The following LSAMP variants were observed in gnomAD, a reference collection of about 807,000 sequenced individuals.
LSAMP encodes the protein limbic system-associated membrane protein.
A neutral mutation model predicts 38.6 loss-of-function variants in LSAMP; 7 were observed. The ratio of observed to expected loss-of-function variants is 0.18; its 90% CI spans 0.10 to 0.34. The LOEUF (loss-of-function observed/expected upper bound fraction) is 0.34. Among genes scored for constraint, LSAMP ranks in the 10% least tolerant of loss-of-function variants. The pLI, the probability that LSAMP is intolerant of heterozygous loss-of-function variation, is 1.00. For synonymous variants in LSAMP, 154 were observed against 166.8 expected, an observed-to-expected ratio of 0.92 and a Z score of 0.59; for missense variants, 313 against 420.0, an observed-to-expected ratio of 0.75 and a Z score of 2.23.
chr3:116,368,705 T>G (rs2048389948), intron 1 of LSAMP, among the ~76,000 whole-genome samples: 1 of 152,208 alleles, frequency 6.6e-6, no homozygotes, highest in South Asian at 2.1e-4. Context: ...CTGGTCTGTT[T>G]GATGGGATTC....
intron 1 of LSAMP, among the ~76,000 whole-genome samples, chr3:116,153,652 T>C (rs1050186280): frequency 1.3e-5 from 2 of 152,130 alleles, no homozygotes; most frequent in African/African-American, 2.4e-5. Flanking sequence ...GAAATTGTTC[T>C]AGGGGCACGA....
At position 115,806,057 on chromosome 3, in the gene LSAMP, G is replaced by A. The variant is rs1205122271; in HGVS notation, c.*4260C>T. ...CTTAAAAAATGATATTGGTAACCAAGACTAAATGCAGGCTAAAAGTGTATG... is the reference window on the plus strand; with the variant it reads ...CTTAAAAAATGATATTGGTAACCAAAACTAAATGCAGGCTAAAAGTGTATG... On this transcript the variant is annotated 3_prime_UTR_variant, in exon 7 of 7. Coordinates refer to ENST00000490035, the MANE Select transcript of LSAMP (RefSeq NM_002338.5). 6.6e-6 allele frequency: 1 copy of A among 152,078 alleles called. No individual in the cohort carries two copies. 9.4% of individuals were successfully genotyped at this position (152,078 alleles called of 1,614,324 possible).
chr3:115,834,014 T>C (rs1391682650), intron 6 of LSAMP, among the ~76,000 whole-genome samples: 1 of 152,116 alleles, frequency 6.6e-6, no homozygotes, highest in Non-Finnish European at 1.5e-5. Context: ...ATTTATGTTT[T>C]CTAAGACAGG....
At chr3:116,121,074 T>C (rs1708864693) in intron 1 of LSAMP, among the ~76,000 whole-genome samples, 1 of 152,186 alleles carries the variant, frequency 6.6e-6, no homozygotes, top group African/African-American at 2.4e-5. Flanking sequence ...GGTCCCAACA[T>C]CTTCAGTTTT....
intron 2 of LSAMP, among the ~76,000 whole-genome samples, chr3:116,028,742 G>A (rs1343158824): frequency 1.3e-5 from 2 of 152,068 alleles, no homozygotes; most frequent in Non-Finnish European, 2.9e-5. Context: ...AATAGCCTAT[G>A]CATTTCTGTG....
chr3:116,411,143 T>C (rs962481050), intron 1 of LSAMP, among the ~76,000 whole-genome samples: 2 of 152,178 alleles, frequency 1.3e-5, no homozygotes, highest in East Asian at 3.9e-4. Context: ...CTGGAGAGGA[T>C]GTGGAGAAAT....
chr3:116,100,090 TG>T (rs1311231151), intron 1 of LSAMP, among the ~76,000 whole-genome samples: 3 of 96,990 alleles, frequency 3.1e-5, no homozygotes, highest in African/African-American at 4.0e-5. Flanking sequence ...TTTGGGGGGG[TG>T]GGGGGTGGGG....
rs925223584 is a variant in LSAMP at position 115,973,427 on chromosome 3, C to T, written c.514+46088G>A. On this transcript the variant is annotated intron_variant, in intron 3 of 6. Transcript: ENST00000490035. ...GATATCTTGGGGAGGGGATACAAGT[C>T]TAGGCATAAAATTAATTTATGTTGG... 8.5e-5 allele frequency among the ~76,000 whole-genome samples: 13 copies of T among 152,174 alleles called. 1 individual carries two copies. The highest frequency in any genetic ancestry group is 3.4e-3 in the Middle Eastern group (1 of 294).
intron 3 of LSAMP, among the ~76,000 whole-genome samples, chr3:115,910,438 C>G (rs1336208649): frequency 2.6e-5 from 4 of 152,156 alleles, no homozygotes; most frequent in South Asian, 2.1e-4. Context: ...GCTAACTACT[C>G]TACCCCCATT....
chr3:116,339,590 A>C (rs1291254163), intron 1 of LSAMP, among the ~76,000 whole-genome samples: 1 of 151,942 alleles, frequency 6.6e-6, no homozygotes, highest in African/African-American at 2.4e-5. Context: ...AAACTTAGGG[A>C]ATGATTGACT....
rs114523192 is a variant in LSAMP, at chr3:116,099,194, G to A, written c.156-12638C>T. ...ATGAAGGTCACACTCTGAATTCTACGAAGAGCCCTATGATTCAAAAGTACC... is the reference window on the plus strand; with the variant it reads ...ATGAAGGTCACACTCTGAATTCTACAAAGAGCCCTATGATTCAAAAGTACC... On this transcript the variant is annotated intron_variant, in intron 1 of 6. Coordinates refer to ENST00000490035, the MANE Select transcript of LSAMP (RefSeq NM_002338.5). 2.5e-3 allele frequency among the ~76,000 whole-genome samples: 386 copies of A among 152,314 alleles called. 1 individual carries two copies. The highest frequency in any genetic ancestry group is 8.9e-3 in the African/African-American group (371 of 41,576).
intron 3 of LSAMP, among the ~76,000 whole-genome samples, chr3:115,955,243 A>G (rs1261260088): frequency 1.3e-5 from 2 of 152,028 alleles, no homozygotes; most frequent in Admixed American, 6.6e-5. Context: ...CATGTTTTTG[A>G]TATTTTATTT....
intron 1 of LSAMP, among the ~76,000 whole-genome samples, chr3:116,301,724 C>T (rs561634810): frequency 3.3e-5 from 5 of 152,192 alleles, no homozygotes; most frequent in South Asian, 4.1e-4. Flanking sequence ...ATTAAGGCTT[C>T]AGAAGGTGAA....
At chr3:116,222,014 C>T (rs887768435) in intron 1 of LSAMP, among the ~76,000 whole-genome samples, 3 of 151,558 alleles carry the variant, frequency 2.0e-5, no homozygotes, top group East Asian at 2.0e-4. Context: ...AAGCCATTCC[C>T]ACTCCATTGG....
intron 2 of LSAMP, among the ~76,000 whole-genome samples, chr3:116,079,416 T>C (rs2107405406): frequency 6.6e-6 from 1 of 152,184 alleles, no homozygotes; most frequent in Non-Finnish European, 1.5e-5. Context: ...CCCAGCACAA[T>C]GGGAGGCCGA....
chr3:115,946,310 T>G (rs1938094535), intron 3 of LSAMP, among the ~76,000 whole-genome samples: 1 of 152,116 alleles, frequency 6.6e-6, no homozygotes, highest in Non-Finnish European at 1.5e-5. Context: ...GAATAAAAAC[T>G]TTCTGTTGGC....
chr3:116,218,704 T>C (rs2046249062), intron 1 of LSAMP, among the ~76,000 whole-genome samples: 2 of 152,206 alleles, frequency 1.3e-5, no homozygotes, highest in South Asian at 2.1e-4. Context: ...ACAGGCATGA[T>C]CACAGCACAC....
intron 1 of LSAMP, among the ~76,000 whole-genome samples, chr3:116,322,910 G>A (rs1482468672): frequency 6.6e-6 from 1 of 151,860 alleles, no homozygotes; most frequent in Non-Finnish European, 1.5e-5. Context: ...AAAAGCATGG[G>A]GTTTGCATTT....
At chr3:116,113,001 G>C (rs1244083707) in intron 1 of LSAMP, among the ~76,000 whole-genome samples, 1 of 151,706 alleles carries the variant, frequency 6.6e-6, no homozygotes, top group Non-Finnish European at 1.5e-5. Context: ...CAGGCAGATG[G>C]AAAAAGACAG....
Sources: gnomAD v4.1 joint callset for allele counts (sites outside exome capture counted in the v4.1 genomes callset) on GRCh38, gnomAD v4.1.1 for gene constraint, MANE v1.5 for transcripts, NCBI Gene and HGNC (gene_info 2026-07-23, HGNC 2026-07-21) for gene names.